Variants in UBFD1 observed in about 807,000 individuals in gnomAD.
UBFD1 encodes the protein ubiquitin family domain containing 1, also known as ubiquitin domain-containing protein UBFD1.
UBFD1 carries 12 observed loss-of-function variants against 35.1 expected under a neutral mutation model. The observed-to-expected ratio is 0.34, with a 90% confidence interval of 0.22 to 0.55. The LOEUF (loss-of-function observed/expected upper bound fraction) is 0.55. Ranked by LOEUF, UBFD1 falls within the 20% of genes least tolerant of loss-of-function variation. UBFD1 has a pLI of 0.89. For missense variants in UBFD1, 337 were observed against 410.8 expected (o/e 0.82, Z 1.55); for synonymous variants, 178 against 167.6 (o/e 1.06, Z -0.48).
At chr16:23,564,667 C>T (rs1016836978) in intron 5 of UBFD1, 5 of 152,334 alleles carry the variant, frequency 3.3e-5, no homozygotes, top group Admixed American at 2.0e-4. Context: ...GTTGCTACGG[C>T]TGACCTGGAA....
chr16:23,559,789 G>A (rs1965902548), intron 3 of UBFD1, 113 bp downstream of exon 3: 1 of 1,552,986 alleles, frequency 6.4e-7, no homozygotes, highest in African/African-American at 1.4e-5. Flanking sequence ...GGCCCATGAT[G>A]GAAATTTATG....
chr16:23,564,683 C>T (rs1438803349), intron 5 of UBFD1: 1 of 152,252 alleles, frequency 6.6e-6, no homozygotes, highest in Non-Finnish European at 1.5e-5. Context: ...TGGAAAGACC[C>T]TGCCATGAAG....
chr16:23,558,392 C>T, intron 2 of UBFD1, 113 bp downstream of exon 2: 1 of 1,326,926 alleles, frequency 7.5e-7, no homozygotes. Context: ...ATCCTTACAG[C>T]AGTCTTCTGA....
chr16:23,560,754 A>G (rs1336897448), intron 3 of UBFD1, among the ~76,000 whole-genome samples: 4 of 152,220 alleles, frequency 2.6e-5, no homozygotes, highest in African/African-American at 4.8e-5. Context: ...CAAAACCCTG[A>G]AAGTTCAAAA....
intron 2 of UBFD1, 93 bp from the exon 3 acceptor site, chr16:23,559,375 C>T: frequency 4.6e-6 from 5 of 1,092,590 alleles, no homozygotes; most frequent in Non-Finnish European, 6.6e-6. Flanking sequence ...AGGCAGTATT[C>T]ACTTTTTGGT....
intron 5 of UBFD1, among the ~76,000 whole-genome samples, chr16:23,563,801 G>A (rs1965972927): frequency 6.6e-6 from 1 of 152,222 alleles, no homozygotes; most frequent in Non-Finnish European, 1.5e-5. Flanking sequence ...AGCTCCCAGT[G>A]TGCTTTGCAC....
Position 23,557,973 on chromosome 16 carries a change from A to G in UBFD1, c.49A>G (p.Thr17Ala), listed in dbSNP as rs548347758. The G allele has an allele frequency of 2.9e-6, 4 of 1,364,230 alleles. No homozygotes were observed. The African/African-American group carries it at 4.5e-5, about 15-fold the overall frequency. The allele number at this position is 1,364,230 out of a possible 1,614,324, so 84.5% of individuals were successfully genotyped here. ...AGGCATGGAGGAACCTGGCATGGAC[A>G]CGGAGGCCGAGACTGTGGCTACTGA... ...PDGMEEPGMD[T>A]EAETVATEAP... The change falls in exon 2 of 7, where the codon ACG (threonine) becomes GCG (alanine). Residue 17 changes from threonine to alanine, a missense_variant. By Grantham distance (58) the Thr-to-Ala change is moderately conservative (BLOSUM62 0). This residue lies in a region of UBFD1 where 198 missense variants were observed against 168.4 expected (regional missense o/e 1.18). Coordinates refer to ENST00000395878, the MANE Select transcript of UBFD1 (RefSeq NM_019116.3).
intron 2 of UBFD1, 51 bp from the exon 3 acceptor site, chr16:23,559,417 A>G: frequency 6.5e-7 from 1 of 1,535,594 alleles, no homozygotes; most frequent in Non-Finnish European, 8.9e-7. Flanking sequence ...GTATCCATAC[A>G]TTTTTCTGTC....
Position 23,570,481 on chromosome 16 carries a change from C to T in UBFD1, c.821C>T (p.Ala274Val). The T allele has an allele frequency of 5.0e-6, 8 of 1,613,278 alleles. No individual in the cohort carries two copies. Among genetic ancestry groups the T allele is most frequent in the Non-Finnish European group, 6.8e-6 (8 of 1,179,456 alleles). The change falls in exon 7 of 7, where the codon GCG becomes GTG. Residue 274 changes from alanine to valine, a missense_variant and splice_region_variant. Transcript: ENST00000395878. Reference protein sequence around the residue: ...IEGHEDYHMMAFQLGPTEASY... With the variant: ...IEGHEDYHMMVFQLGPTEASY... Reference sequence around the variant, plus strand: ...TTGGTTTTCCTTTTTCCCTTCCAGGCGTTTCAGTTGGGCCCCACGGAAGCC... The same window carrying T: ...TTGGTTTTCCTTTTTCCCTTCCAGGTGTTTCAGTTGGGCCCCACGGAAGCC...
intron 2 of UBFD1, 70 bp from the exon 3 acceptor site, chr16:23,559,398 A>G (rs1156984146): frequency 1.4e-6 from 2 of 1,381,518 alleles, no homozygotes; most frequent in Non-Finnish European, 2.0e-6. Flanking sequence ...GTTACCAAAG[A>G]GCTGTGTAGT....
At chr16:23,566,966 C>T in intron 5 of UBFD1, 21 bp from the exon 6 acceptor site, 2 of 1,612,838 alleles carry the variant, frequency 1.2e-6, no homozygotes, top group Non-Finnish European at 1.7e-6. Context: ...TGAATAATCA[C>T]TGTAATCCCT....
At position 23,557,965 on chromosome 16, in the gene UBFD1, G is replaced by C; in HGVS notation, c.41G>C (p.Gly14Ala). 2 of 1,362,212 alleles carry C rather than the reference G, an allele frequency of 1.5e-6. No individual in the cohort carries two copies. The highest frequency in any genetic ancestry group is 2.4e-5 in the South Asian group (1 of 41,448). The allele number at this position is 1,362,212 out of a possible 1,614,324, so 84.4% of individuals were successfully genotyped here. A position where few individuals can be genotyped will look rare whatever the true frequency, so the allele number is the denominator to read the frequency against. ...CCCCTTGCAGGCATGGAGGAACCTG[G>C]CATGGACACGGAGGCCGAGACTGTG... ...AGAPDGMEEP[G>A]MDTEAETVAT... The change falls in exon 2 of 7, where the codon GGC becomes GCC. Residue 14 changes from glycine to alanine, a missense_variant. Transcript: ENST00000395878.
chr16:23,567,429 C>G (rs894712091), intron 6 of UBFD1, among the ~76,000 whole-genome samples: 5 of 152,156 alleles, frequency 3.3e-5, no homozygotes, highest in African/African-American at 1.2e-4. Context: ...TTTTATCTTG[C>G]TTATAAAACA....
chr16:23,558,006 G>A lies in UBFD1; in HGVS notation c.82G>A (p.Ala28Thr). The change falls in exon 2 of 7, where the codon GCG (alanine) becomes ACG (threonine). Residue 28 changes from alanine to threonine, a missense_variant. Transcript: ENST00000395878. The part of the protein sequence containing the change: ...EAETVATEAP[A>T]RPVNCLEAEA... ...CGAGACTGTGGCTACTGAGGCTCCC[G>A]CGCGGCCCGTCAACTGCCTGGAGGC... 1 of 1,362,248 alleles carries A rather than the reference G, an allele frequency of 7.3e-7. No homozygotes were observed. The highest frequency in any genetic ancestry group is 2.3e-5 in the South Asian group (1 of 43,068). 84.4% of individuals were successfully genotyped at this position (1,362,248 alleles called of 1,614,324 possible).
chr16:23,559,293 T>C lies in UBFD1; in HGVS notation c.356-175T>C, dbSNP rs1171331137. On this transcript the variant is annotated intron_variant, in intron 2 of 6. Coordinates refer to ENST00000395878, the MANE Select transcript of UBFD1 (RefSeq NM_019116.3). The stretch of plus-strand genomic sequence containing the variant: ...GTACAGAAGGACTTACTCTAATAAA[T>C]CTTCTACAGTTCTAGAAACTGAGGT... 1.4e-5 allele frequency: 8 copies of C among 589,196 alleles called. No homozygotes were observed. The Admixed American group carries it at 2.5e-4, about 18-fold the overall frequency. 36.5% of individuals were successfully genotyped at this position (589,196 alleles called of 1,614,324 possible).
chr16:23,566,820 G>A (rs1966017838), intron 5 of UBFD1, 167 bp from the exon 6 acceptor site: 1 of 623,548 alleles, frequency 1.6e-6, no homozygotes, highest in South Asian at 2.0e-5. Context: ...GAAGCCCTAT[G>A]TGCACTGGTC....
rs771941637 is a variant in UBFD1, at chr16:23,559,450, C to T, written c.356-18C>T. On this transcript the variant is annotated intron_variant, in intron 2 of 6. Transcript: ENST00000395878. ...GTCCTTCCTTCCTTTCACTGTCCAC[C>T]TTCTACCTTTTCCCAAGGTCTCCCG... is the stretch of plus-strand genomic sequence containing the variant. 4 of 1,609,476 alleles carry T rather than the reference C, an allele frequency of 2.5e-6. No individual in the cohort carries two copies. The East Asian group carries it at 8.9e-5, about 36-fold the overall frequency.
At chr16:23,570,368 G>T (rs939520454) in intron 6 of UBFD1, 112 bp from the exon 7 acceptor site, 2 of 806,714 alleles carry the variant, frequency 2.5e-6, no homozygotes, top group African/African-American at 1.7e-5. Context: ...GTTTTGTTTG[G>T]TTTTTCTTCC....
intron 5 of UBFD1, 28 bp from the exon 6 acceptor site, chr16:23,566,959 A>G: frequency 1.2e-6 from 2 of 1,611,152 alleles, no homozygotes; most frequent in Non-Finnish European, 1.7e-6. Context: ...GGCCCTTTGA[A>G]TAATCACTGT....
Sources: gnomAD v4.1 joint callset for allele counts (sites outside exome capture counted in the v4.1 genomes callset) on GRCh38, gnomAD v4.1.1 for gene constraint, gnomAD v4.1.1 regional missense constraint, MANE v1.5 for transcripts, NCBI Gene and HGNC (gene_info 2026-07-23, HGNC 2026-07-21) for gene names.